The following NRG1 variants were observed in gnomAD, a reference collection of about 807,000 sequenced individuals.
NRG1 encodes neuregulin 1, also known as pro-neuregulin-1, membrane-bound isoform.
Under a neutral mutation model 63.8 loss-of-function variants are expected in NRG1, and 18 were observed. The ratio of observed to expected loss-of-function variants is 0.28; its 90% CI spans 0.19 to 0.42. The LOEUF is 0.42. NRG1 is among the 10% of genes least tolerant of loss of function. The pLI is 1.00. For missense variants in NRG1, 762 were observed against 814.7 expected (o/e 0.94, Z 0.79); for synonymous variants, 302 against 301.3 (o/e 1.00, Z -0.02).
At chr8:32,647,785 T>G (rs1377680090) in intron 5 of NRG1, 5 of 1,612,780 alleles carry the variant, frequency 3.1e-6, no homozygotes, top group African/African-American at 1.3e-5. Flanking sequence ...TCCACTCAGC[T>G]GAGTGCAGAC....
At chr8:32,458,443 G>T (rs966007705) in intron 1 of NRG1, among the ~76,000 whole-genome samples, 1 of 152,170 alleles carries the variant, frequency 6.6e-6, no homozygotes, top group African/African-American at 2.4e-5. Context: ...GCTATAAGAA[G>T]AAATTAACCA....
chr8:32,754,159 G>A (rs201931324), intron 7 of NRG1, among the ~76,000 whole-genome samples: 1 of 152,106 alleles, frequency 6.6e-6, no homozygotes, highest in Admixed American at 6.5e-5. Flanking sequence ...TATTTGTATT[G>A]TAAATGGCCC....
intron 1 of NRG1, among the ~76,000 whole-genome samples, chr8:32,130,620 T>C (rs1411037040): frequency 6.6e-6 from 1 of 151,930 alleles, no homozygotes; most frequent in Non-Finnish European, 1.5e-5. Flanking sequence ...CGTAGGAATC[T>C]ATACTGCGAG....
intron 1 of NRG1, among the ~76,000 whole-genome samples, chr8:32,228,669 T>C (rs1389917135): frequency 6.6e-6 from 1 of 152,206 alleles, no homozygotes; most frequent in Non-Finnish European, 1.5e-5. Flanking sequence ...CTATGCTGTA[T>C]AGAAAGCAAG....
intron 1 of NRG1, among the ~76,000 whole-genome samples, chr8:32,217,078 T>C (rs1236540138): frequency 6.6e-6 from 1 of 151,762 alleles, no homozygotes; most frequent in Non-Finnish European, 1.5e-5. Flanking sequence ...CCGGGCGTGG[T>C]GGCACATGTC....
chr8:31,639,466 C>T, intron 1 of NRG1: 6 of 1,532,116 alleles, frequency 3.9e-6, no homozygotes, highest in Non-Finnish European at 5.2e-6. Context: ...ACGCTGTCGC[C>T]GCCGCGGCCA....
intron 1 of NRG1, among the ~76,000 whole-genome samples, chr8:31,907,013 T>A (rs535408403): frequency 2.0e-5 from 3 of 152,168 alleles, no homozygotes; most frequent in Admixed American, 6.5e-5. Context: ...GCAAAAAGTT[T>A]ACTGATCCCA....
intron 1 of NRG1, among the ~76,000 whole-genome samples, chr8:32,284,016 A>G (rs10503902): frequency 0.055 from 8,403 of 152,230 alleles, 271 homozygotes; most frequent in South Asian, 0.07. Context: ...TCAGTTTGAC[A>G]TAAAGGTACT....
At chr8:31,806,359 G>A (rs1822285228) in intron 1 of NRG1, among the ~76,000 whole-genome samples, 1 of 152,012 alleles carries the variant, frequency 6.6e-6, no homozygotes. Context: ...GGCATATAGT[G>A]TTCACTTATG....
intron 1 of NRG1, among the ~76,000 whole-genome samples, chr8:32,032,236 G>A (rs1028244501): frequency 4.6e-5 from 7 of 151,858 alleles, no homozygotes; most frequent in African/African-American, 1.2e-4. Context: ...TTTGTTAGCT[G>A]CATGAATGTC....
chr8:31,858,760 G>A (rs1430548668), intron 1 of NRG1, among the ~76,000 whole-genome samples: 2 of 152,210 alleles, frequency 1.3e-5, no homozygotes, highest in Non-Finnish European at 2.9e-5. Context: ...AGCCAGCATT[G>A]TTCAACAGAA....
At chr8:31,643,640 GT>G (rs1456704637) in intron 1 of NRG1, among the ~76,000 whole-genome samples, 2 of 152,198 alleles carry the variant, frequency 1.3e-5, no homozygotes, top group African/African-American at 4.8e-5. Flanking sequence ...TTCCTTTACA[GT>G]TATTTAAAGT....
chr8:32,401,120 G>A (rs1222606734), intron 1 of NRG1, among the ~76,000 whole-genome samples: 8 of 151,946 alleles, frequency 5.3e-5, no homozygotes, highest in Non-Finnish European at 1.0e-4. Context: ...GGAGGGGAAC[G>A]ACAGACACTG....
intron 1 of NRG1, among the ~76,000 whole-genome samples, chr8:32,366,677 G>GTATATATATATATATATATA (rs71208175): frequency 9.1e-5 from 8 of 87,506 alleles, no homozygotes; most frequent in Non-Finnish European, 1.3e-4. Context: ...GTGTGTGTGT[G>GTATATATATATATATATATA]TATATATATA....
At chr8:32,406,462 C>G (rs1169087802) in intron 1 of NRG1, among the ~76,000 whole-genome samples, 3 of 152,162 alleles carry the variant, frequency 2.0e-5, no homozygotes, top group African/African-American at 7.2e-5. Flanking sequence ...TTAGTAAAAA[C>G]TAGGTATTTT....
At chr8:32,083,023 A>G (rs1288402634) in intron 1 of NRG1, among the ~76,000 whole-genome samples, 2 of 152,186 alleles carry the variant, frequency 1.3e-5, no homozygotes, top group South Asian at 2.1e-4. Flanking sequence ...CTTCCTGTCA[A>G]CAAAGGTGAT....
rs1300877092 is a variant in NRG1, at chr8:32,113,194, T to C, written c.37+473763T>C. Among the ~76,000 whole-genome samples the C allele has an allele frequency of 3.3e-5, 5 of 152,096 alleles. No homozygotes were observed. The South Asian group carries it at 1.0e-3, about 31-fold the overall frequency. ...ATCTCAGAGAGTGGATCCCTGAAAATGGCATTTGCACTGGCTGCTAGCTAG... is the reference window on the plus strand; with the variant it reads ...ATCTCAGAGAGTGGATCCCTGAAAACGGCATTTGCACTGGCTGCTAGCTAG... On this transcript the variant is annotated intron_variant, in intron 1 of 10. Transcript: ENST00000519301.
intron 1 of NRG1, among the ~76,000 whole-genome samples, chr8:31,694,849 C>A (rs4629822): frequency 0.15 from 23,187 of 152,190 alleles, 1,916 homozygotes; most frequent in Admixed American, 0.21. Context: ...ATATTTCTAA[C>A]ACCACTCTTG....
intron 1 of NRG1, among the ~76,000 whole-genome samples, chr8:32,593,339 G>A (rs1052365236): frequency 7.2e-5 from 11 of 152,134 alleles, no homozygotes; most frequent in Non-Finnish European, 1.6e-4. Context: ...TTGGTGTCAT[G>A]TAGCACCGGC....
Sources: allele counts gnomAD v4.1 joint callset (sites outside exome capture counted in the v4.1 genomes callset), GRCh38; gene constraint gnomAD v4.1.1; transcripts MANE v1.5; gene names NCBI Gene and HGNC (gene_info 2026-07-23, HGNC 2026-07-21).